Variants in RALGPS1 observed in about 807,000 individuals in gnomAD.
The protein encoded by RALGPS1 is Ral GEF with PH domain and SH3 binding motif 1.
A neutral mutation model predicts 78.8 loss-of-function variants in RALGPS1; 19 were observed. The ratio of observed to expected loss-of-function variants is 0.24; its 90% CI spans 0.17 to 0.35. The LOEUF (loss-of-function observed/expected upper bound fraction) is 0.35. Ranked by LOEUF, RALGPS1 falls within the 10% of genes least tolerant of loss-of-function variation. RALGPS1 has a pLI of 1.00. For missense variants in RALGPS1, 454 were observed against 688.3 expected, an observed-to-expected ratio of 0.66 and a Z score of 3.81; for synonymous variants, 228 against 256.3, an observed-to-expected ratio of 0.89 and a Z score of 1.06.
intron 4 of RALGPS1, among the ~76,000 whole-genome samples, chr9:127,030,870 G>A (rs2046376001): frequency 6.6e-6 from 1 of 152,178 alleles, no homozygotes; most frequent in Non-Finnish European, 1.5e-5. Flanking sequence ...TTTGGTGGCA[G>A]GAAGTTTTCT....
chr9:127,124,038 C>T (rs922242658), intron 8 of RALGPS1, among the ~76,000 whole-genome samples: 1 of 152,196 alleles, frequency 6.6e-6, no homozygotes, highest in Non-Finnish European at 1.5e-5. Context: ...TACTACCAGG[C>T]ACCCGTCCCA....
intron 4 of RALGPS1, among the ~76,000 whole-genome samples, chr9:126,990,921 C>T (rs973970526): frequency 5.9e-5 from 9 of 152,104 alleles, no homozygotes; most frequent in African/African-American, 1.9e-4. Flanking sequence ...AGTAATAATA[C>T]TAAAATCCCT....
intron 1 of RALGPS1, among the ~76,000 whole-genome samples, chr9:126,932,032 C>T (rs1035378374): frequency 6.6e-6 from 1 of 151,274 alleles, no homozygotes; most frequent in South Asian, 2.1e-4. Flanking sequence ...TAGGCTGTTA[C>T]GTTGGAAACA....
chr9:126,958,142 A>AAAAAATATATATATAT (rs113413659), intron 1 of RALGPS1, among the ~76,000 whole-genome samples: 13 of 77,072 alleles, frequency 1.7e-4, no homozygotes, highest in Admixed American at 3.0e-4. Context: ...AAAAAAAAAA[A>AAAAAATATATATATAT]ATATATATAT....
At chr9:126,954,357 C>T (rs2038147538) in intron 1 of RALGPS1, among the ~76,000 whole-genome samples, 2 of 152,224 alleles carry the variant, frequency 1.3e-5, no homozygotes, top group South Asian at 4.1e-4. Context: ...CCCACGAATC[C>T]AAGCTGCTGC....
chr9:126,991,881 G>A (rs1345121874), intron 4 of RALGPS1, among the ~76,000 whole-genome samples: 1 of 152,212 alleles, frequency 6.6e-6, no homozygotes, highest in South Asian at 2.1e-4. Flanking sequence ...AAAAGCAATA[G>A]GCAGCGCTGA....
chr9:126,934,672 G>A (rs1318061234), intron 1 of RALGPS1, among the ~76,000 whole-genome samples: 1 of 152,132 alleles, frequency 6.6e-6, no homozygotes, highest in Non-Finnish European at 1.5e-5. Context: ...TTTTTTAACT[G>A]TCTTTCTCTC....
At chr9:127,128,282 A>G (rs935967066) in intron 8 of RALGPS1, among the ~76,000 whole-genome samples, 2 of 152,148 alleles carry the variant, frequency 1.3e-5, no homozygotes, top group African/African-American at 4.8e-5. Flanking sequence ...AGACTTTGCT[A>G]TTGTGAACAG....
chr9:127,011,050 C>T (rs1189306598), intron 4 of RALGPS1, among the ~76,000 whole-genome samples: 1 of 152,062 alleles, frequency 6.6e-6, no homozygotes, highest in Non-Finnish European at 1.5e-5. Context: ...ACTTCAGTCA[C>T]TTCCTCTGTG....
chr9:126,983,942 C>T (rs762576307), intron 4 of RALGPS1, among the ~76,000 whole-genome samples: 1 of 152,090 alleles, frequency 6.6e-6, no homozygotes, highest in Non-Finnish European at 1.5e-5. Flanking sequence ...TTGTTTTGCT[C>T]TGTGTCATGT....
At chr9:127,089,507 A>G (rs2052195246) in intron 8 of RALGPS1, among the ~76,000 whole-genome samples, 1 of 152,176 alleles carries the variant, frequency 6.6e-6, no homozygotes, top group African/African-American at 2.4e-5. Context: ...GGAACTCCAC[A>G]CCTTGTGTTC....
chr9:127,215,276 GA>G (rs2062511102), intron 18 of RALGPS1, among the ~76,000 whole-genome samples: 1 of 152,186 alleles, frequency 6.6e-6, no homozygotes, highest in Admixed American at 6.5e-5. Context: ...GCCAGCCATG[GA>G]CCACGCAAAG....
rs2062783086 is a variant in RALGPS1 at position 127,221,905 on chromosome 9, C to G, written c.*3136C>G. 1.3e-5 allele frequency: 2 copies of G among 152,146 alleles called. No individual in the cohort carries two copies. Among genetic ancestry groups the G allele is most frequent in the South Asian group, 2.1e-4 (1 of 4,830 alleles). 9.4% of individuals were successfully genotyped at this position (152,146 alleles called of 1,614,324 possible). A position where few individuals can be genotyped will look rare whatever the true frequency, so the allele number is the denominator to read the frequency against. ...CTCAGGTGGGGCCCAGAGCCCTTCC[C>G]CGAGACTGCTGATGTCTGTAACCAC... On this transcript the variant is annotated 3_prime_UTR_variant, in exon 19 of 19. Transcript: ENST00000259351.
intron 8 of RALGPS1, among the ~76,000 whole-genome samples, chr9:127,090,486 T>C (rs151289929): frequency 1.7e-4 from 26 of 152,322 alleles, no homozygotes; most frequent in African/African-American, 5.1e-4. Flanking sequence ...GAGGTGTCTG[T>C]GTGATACAGG....
intron 1 of RALGPS1, among the ~76,000 whole-genome samples, chr9:126,930,739 G>A (rs796415910): frequency 4.6e-5 from 7 of 152,364 alleles, no homozygotes; most frequent in East Asian, 3.9e-4. Context: ...GATTACAGGC[G>A]TGAGCCACTG....
chr9:126,968,997 G>A (rs2039820315), intron 3 of RALGPS1, among the ~76,000 whole-genome samples: 2 of 151,962 alleles, frequency 1.3e-5, no homozygotes, highest in Admixed American at 1.3e-4. Flanking sequence ...GCGGTGAGCC[G>A]AGATTGCGCC....
intron 1 of RALGPS1, among the ~76,000 whole-genome samples, chr9:126,940,686 C>T (rs994478628): frequency 6.6e-6 from 1 of 152,012 alleles, no homozygotes; most frequent in African/African-American, 2.4e-5. Context: ...CGTGATCCGT[C>T]GAACAGGTAT....
intron 11 of RALGPS1, chr9:127,184,228 C>A: frequency 5.3e-6 from 3 of 567,894 alleles, no homozygotes; most frequent in South Asian, 3.8e-5. Context: ...AGGGCTTAGG[C>A]GAGATCGCTT....
At chr9:127,120,617 A>G (rs1361391960) in intron 8 of RALGPS1, among the ~76,000 whole-genome samples, 1 of 152,140 alleles carries the variant, frequency 6.6e-6, no homozygotes, top group Non-Finnish European at 1.5e-5. Flanking sequence ...AGGTCAGGAG[A>G]TCGAGACCAT....
Sources: gnomAD v4.1 joint callset for allele counts (sites outside exome capture counted in the v4.1 genomes callset) on GRCh38, gnomAD v4.1.1 for gene constraint, MANE v1.5 for transcripts, NCBI Gene and HGNC (gene_info 2026-07-23, HGNC 2026-07-21) for gene names.